Variants in CYFIP2 observed in about 807,000 individuals in gnomAD.
The protein encoded by CYFIP2 is cytoplasmic FMR1-interacting protein 2.
CYFIP2 carries 29 observed loss-of-function variants against 158.7 expected under a neutral mutation model. The ratio of observed to expected loss-of-function variants is 0.18; its 90% CI spans 0.14 to 0.25. The LOEUF is 0.25. CYFIP2 is among the 10% of genes least tolerant of loss of function. The pLI is 1.00. For synonymous variants in CYFIP2, 585 were observed against 617.6 expected (o/e 0.95, Z 0.78); for missense variants, 852 against 1,639.5 (o/e 0.52, Z 8.29).
intron 8 of CYFIP2, 86 bp downstream of exon 8, chr5:157,304,452 G>T (rs773528599): frequency 6.3e-5 from 92 of 1,468,962 alleles, no homozygotes; most frequent in Non-Finnish European, 7.7e-5. Flanking sequence ...AAAAAACAAT[G>T]TTTCTTTTTT....
chr5:157,343,396 G>A, intron 23 of CYFIP2: 1 of 1,614,198 alleles, frequency 6.2e-7, no homozygotes, highest in Non-Finnish European at 8.5e-7. Context: ...CGTGGTGGAA[G>A]CTGTAGCGAA....
chr5:157,340,204 A>G (rs1408491897), intron 22 of CYFIP2, among the ~76,000 whole-genome samples: 1 of 152,254 alleles, frequency 6.6e-6, no homozygotes, highest in East Asian at 1.9e-4. Context: ...ATATATATTC[A>G]CATACAAAAT....
rs182282659 is a variant in CYFIP2 at position 157,386,751 on chromosome 5, C to T, written c.3208-2438C>T. Among the ~76,000 whole-genome samples the T allele has an allele frequency of 4.2e-3, 635 of 152,166 alleles. 6 individuals carry two copies. Among genetic ancestry groups the T allele is most frequent in the African/African-American group, 0.014 (596 of 41,528 alleles). ...CCTGGCCAACGTGGTGAAACCCCATCTCTACTAAAAATGCAAAAATTAGTC... is the reference window on the plus strand; with the variant it reads ...CCTGGCCAACGTGGTGAAACCCCATTTCTACTAAAAATGCAAAAATTAGTC... On this transcript the variant is annotated intron_variant, in intron 28 of 30. Coordinates refer to ENST00000620254, the MANE Select transcript of CYFIP2 (RefSeq NM_001037333.3).
intron 3 of CYFIP2, among the ~76,000 whole-genome samples, chr5:157,290,533 G>C (rs1254210951): frequency 6.8e-6 from 1 of 146,334 alleles, no homozygotes; most frequent in African/African-American, 2.5e-5. Flanking sequence ...CCATTGCAAG[G>C]CTCTTAATTG....
intron 8 of CYFIP2, 48 bp downstream of exon 8, chr5:157,304,414 C>T (rs1759042089): frequency 1.9e-6 from 3 of 1,548,176 alleles, no homozygotes; most frequent in Non-Finnish European, 2.6e-6. Context: ...CTTACCCTCT[C>T]ACCTTCTTCT....
chr5:157,374,013 A>G (rs10447199), intron 26 of CYFIP2, among the ~76,000 whole-genome samples: 24,484 of 152,248 alleles, frequency 0.16, 2,293 homozygotes, highest in Middle Eastern at 0.26. Context: ...GTGCATTCCC[A>G]GAAGAAAATG....
chr5:157,339,848 G>A (rs1357682537), intron 22 of CYFIP2, among the ~76,000 whole-genome samples: 1 of 152,234 alleles, frequency 6.6e-6, no homozygotes, highest in Non-Finnish European at 1.5e-5. Flanking sequence ...TCTCCAAGAA[G>A]TTGATGAGGG....
intron 3 of CYFIP2, among the ~76,000 whole-genome samples, chr5:157,288,366 T>A (rs1381890249): frequency 6.6e-6 from 1 of 152,204 alleles, no homozygotes; most frequent in Non-Finnish European, 1.5e-5. Flanking sequence ...ACTGGAGATT[T>A]AAGTTTCTAA....
At position 157,389,743 on chromosome 5, in the gene CYFIP2, G is replaced by T. The variant is rs368820269; in HGVS notation, c.3446+316G>T. The T allele has an allele frequency of 1.5e-3, 319 of 216,728 alleles. 4 individuals carry two copies. The South Asian group carries it at 0.031, about 21-fold the overall frequency. The allele number at this position is 216,728 out of a possible 1,614,324, so 13.4% of individuals were successfully genotyped here. ...CCAGCTACATGTCTAGGACAGAGTG[G>T]AAAGGCAGACAAGGCCTCCCCTCCA... On this transcript the variant is annotated intron_variant, in intron 29 of 30. Transcript: ENST00000620254.
intron 26 of CYFIP2, among the ~76,000 whole-genome samples, chr5:157,378,381 A>G (rs565928034): frequency 6.6e-6 from 1 of 152,354 alleles, no homozygotes; most frequent in East Asian, 1.9e-4. Flanking sequence ...GCTATAACCA[A>G]AAACCCAATA....
At chr5:157,345,391 C>T (rs903522092) in intron 23 of CYFIP2, 1 of 152,608 alleles carries the variant, frequency 6.6e-6, no homozygotes, top group Admixed American at 6.6e-5. Flanking sequence ...CTTTTAGGAC[C>T]AGGTCCGTCT....
rs776663646 is a variant in CYFIP2, at chr5:157,389,312, C to T, written c.3331C>T (p.Pro1111Ser). The change falls in exon 29 of 31, where the codon CCA becomes TCA. Residue 1111 changes from proline (P) to serine (S), a missense_variant. Physicochemically the swap from Pro to Ser is moderately conservative, Grantham distance 74 (BLOSUM62 -1). Around this residue, in one of 8 missense-constraint regions of CYFIP2, gnomAD observed 223 missense variants for 381.6 expected, o/e 0.58. Transcript: ENST00000620254. Reference protein sequence around the residue: ...SYLQDPIWRGPPPTNGVMHVD... With the variant: ...SYLQDPIWRGSPPTNGVMHVD... ...CCTGCAGGACCCCATCTGGCGGGGC[C>T]CACCGCCCACCAATGGCGTCATGCA... 6.2e-7 allele frequency: 1 copy of T among 1,614,024 alleles called. No individual in the cohort carries two copies. Among genetic ancestry groups the T allele is most frequent in the Admixed American group, 1.7e-5 (1 of 60,026 alleles).
rs1407889712 is a variant in CYFIP2, at chr5:157,360,286, A to G, written c.2822A>G (p.Gln941Arg). The change falls in exon 25 of 31, where the codon CAA becomes CGA. Residue 941 changes from glutamine (Q) to arginine (R), a missense_variant. Around this residue, in one of 8 missense-constraint regions of CYFIP2, gnomAD observed 191 missense variants for 311.2 expected, o/e 0.61. Transcript: ENST00000620254. The stretch of plus-strand genomic sequence containing the variant: ...TCTGTACTCTTCTTTTGTCAGCTCC[A>G]AGGAACCATTCTCCAGTATGTGAAA... ...ELLKIVKSLL[Q>R]GTILQYVKTL... The G allele has an allele frequency of 6.2e-7, 1 of 1,613,520 alleles. No homozygotes were observed. The highest frequency in any genetic ancestry group is 8.5e-7 in the Non-Finnish European group (1 of 1,179,590).
intron 5 of CYFIP2, among the ~76,000 whole-genome samples, chr5:157,300,176 A>G (rs764274143): frequency 4.6e-5 from 7 of 152,134 alleles, no homozygotes; most frequent in Admixed American, 6.5e-5. Flanking sequence ...TGCTCAGCCA[A>G]TGTATGTTGA....
chr5:157,384,304 T>C (rs758721262), intron 28 of CYFIP2: 1 of 456,762 alleles, frequency 2.2e-6, no homozygotes, highest in South Asian at 1.5e-5. Context: ...TCCTTTCAAG[T>C]TGATTTCAGC....
Position 157,302,888 on chromosome 5 carries a change from C to A in CYFIP2, c.664C>A (p.Gln222Lys). The A allele has an allele frequency of 6.4e-7, 1 of 1,569,824 alleles. No individual in the cohort carries two copies. The stretch of plus-strand genomic sequence containing the variant: ...CCTGGCCAACCACAACAGGATCACC[C>A]AGGTGAGGGCAGACTCCTTGTTAGG... ...MFLANHNRIT[Q>K]CLHQQLEVIP... Residue 222 changes from glutamine (Q) to lysine (K), a missense_variant and splice_region_variant, in exon 7 of 31, where the codon CAG (glutamine) becomes AAG (lysine). Physicochemically the swap from Gln to Lys is moderately conservative, Grantham distance 53. Coordinates refer to ENST00000620254, the MANE Select transcript of CYFIP2 (RefSeq NM_001037333.3).
At chr5:157,341,664 C>T in intron 23 of CYFIP2, 1 of 158,114 alleles carries the variant, frequency 6.3e-6, no homozygotes, top group Non-Finnish European at 1.4e-5. Flanking sequence ...GGGTGCCGAG[C>T]AGGGAATGCA....
chr5:157,320,265 T>C (rs932574741), intron 14 of CYFIP2, among the ~76,000 whole-genome samples: 2 of 151,812 alleles, frequency 1.3e-5, no homozygotes, highest in African/African-American at 4.9e-5. Flanking sequence ...CAGCATGGAG[T>C]AAGTATGCAG....
In CYFIP2 at chr5:157,324,447, C is replaced by G. The variant is rs114516981; in HGVS notation, c.1825+373C>G. Among the ~76,000 whole-genome samples, 1,451 of 152,134 alleles carry G rather than the reference C, an allele frequency of 9.5e-3. 17 individuals carry two copies. Among genetic ancestry groups the G allele is most frequent in the African/African-American group, 0.032 (1,348 of 41,522 alleles). ...TGCTGCTGCCAGCAGGGGAGGCTCT[C>G]GAGCTGCATCCCAGTCCTGTGTTCT... On this transcript the variant is annotated intron_variant, in intron 16 of 30. Transcript: ENST00000620254.
Sources: gnomAD v4.1 joint callset for allele counts (sites outside exome capture counted in the v4.1 genomes callset) on GRCh38, gnomAD v4.1.1 for gene constraint, gnomAD v4.1.1 regional missense constraint, MANE v1.5 for transcripts, NCBI Gene and HGNC (gene_info 2026-07-23, HGNC 2026-07-21) for gene names.